DLG2: variants seen among roughly 807,000 people sequenced by gnomAD.
DLG2 encodes disks large homolog 2.
A neutral mutation model predicts 132.5 loss-of-function variants in DLG2; 45 were observed. The observed-to-expected ratio is 0.34, with a 90% CI of 0.27 to 0.44. DLG2 has a LOEUF of 0.44. Ranked by LOEUF, DLG2 falls within the 20% of genes least tolerant of loss-of-function variation. The pLI, the probability that DLG2 is intolerant of heterozygous loss-of-function variation, is 1.00. For missense variants in DLG2, 1,045 were observed against 1,196.9 expected (o/e 0.87, Z 1.87); for synonymous variants, 424 against 419.6 (o/e 1.01, Z -0.13).
At chr11:85,583,130 G>GTGTGTGTATATATATATA (rs1555190569) in intron 3 of DLG2, among the ~76,000 whole-genome samples, 3 of 13,598 alleles carry the variant, frequency 2.2e-4, no homozygotes, top group Non-Finnish European at 4.7e-4. Flanking sequence ...GTGTGTGTGT[G>GTGTGTGTATATATATATA]TATATATATA....
At chr11:84,862,594 G>T (rs1164439391) in intron 6 of DLG2, among the ~76,000 whole-genome samples, 1 of 151,978 alleles carries the variant, frequency 6.6e-6, no homozygotes, top group Non-Finnish European at 1.5e-5. Flanking sequence ...TGATAGACTG[G>T]ATAAAGAAAA....
At chr11:84,204,744 G>A (rs976820168) in intron 8 of DLG2, among the ~76,000 whole-genome samples, 1 of 152,038 alleles carries the variant, frequency 6.6e-6, no homozygotes, top group African/African-American at 2.4e-5. Flanking sequence ...TTGAGATAGA[G>A]TCTCATTCTG....
chr11:85,507,244 C>A (rs1004820988), intron 3 of DLG2, among the ~76,000 whole-genome samples: 1 of 152,134 alleles, frequency 6.6e-6, no homozygotes, highest in Non-Finnish European at 1.5e-5. Context: ...TGAATTTGAT[C>A]CTGTCATTAT....
chr11:84,799,072 C>G (rs535305304), intron 6 of DLG2, among the ~76,000 whole-genome samples: 1 of 152,338 alleles, frequency 6.6e-6, no homozygotes, highest in Admixed American at 6.5e-5. Flanking sequence ...CATCTGGTGT[C>G]TCACTAGGTC....
chr11:84,063,618 T>C (rs867979568), intron 10 of DLG2, among the ~76,000 whole-genome samples: 1 of 152,196 alleles, frequency 6.6e-6, no homozygotes, highest in Non-Finnish European at 1.5e-5. Context: ...ACTGGGTATA[T>C]ACCCAAAGGA....
chr11:84,476,025 G>T (rs1428469365), intron 7 of DLG2, among the ~76,000 whole-genome samples: 4 of 151,988 alleles, frequency 2.6e-5, no homozygotes, highest in Admixed American at 2.6e-4. Flanking sequence ...ATTACATGAG[G>T]TATATAATTC....
chr11:85,420,125 T>A (rs1454755290), intron 3 of DLG2, among the ~76,000 whole-genome samples: 1 of 152,208 alleles, frequency 6.6e-6, no homozygotes, highest in Non-Finnish European at 1.5e-5. Context: ...CATGTGCATG[T>A]CCTTTTTGTG....
chr11:85,066,143 A>G (rs1041724387), intron 6 of DLG2, among the ~76,000 whole-genome samples: 10 of 151,718 alleles, frequency 6.6e-5, no homozygotes, highest in Non-Finnish European at 1.5e-4. Flanking sequence ...CAGAAATAGA[A>G]AAGATTATCA....
intron 19 of DLG2, among the ~76,000 whole-genome samples, chr11:83,614,418 T>A (rs1420923146): frequency 6.6e-6 from 1 of 152,112 alleles, no homozygotes; most frequent in Non-Finnish European, 1.5e-5. Context: ...CGTGCTTTAA[T>A]AGAAAAAAAT....
intron 3 of DLG2, among the ~76,000 whole-genome samples, chr11:85,406,891 G>C (rs1333022041): frequency 6.6e-6 from 1 of 151,906 alleles, no homozygotes; most frequent in Non-Finnish European, 1.5e-5. Flanking sequence ...GAACATGGGA[G>C]ACAAGCCCAA....
intron 7 of DLG2, among the ~76,000 whole-genome samples, chr11:84,527,893 TTCTCTCTCTCTCTCTCTCTCTC>T (rs60170305): frequency 8.0e-6 from 1 of 125,594 alleles, no homozygotes; most frequent in Admixed American, 8.2e-5. Flanking sequence ...CTCCCTCCCT[TTCTCTCTCTCTCTCTCTCTCTC>T]TCTCTCTCTC....
intron 16 of DLG2, among the ~76,000 whole-genome samples, chr11:83,873,668 A>G (rs1392576938): frequency 1.3e-5 from 2 of 152,236 alleles, no homozygotes; most frequent in Non-Finnish European, 2.9e-5. Flanking sequence ...GGTGATTGGT[A>G]GATAAATAGA....
At chr11:84,726,575 C>G (rs914302147) in intron 6 of DLG2, among the ~76,000 whole-genome samples, 5 of 151,998 alleles carry the variant, frequency 3.3e-5, no homozygotes, top group African/African-American at 4.8e-5. Flanking sequence ...AGTAAACATG[C>G]GTGTGTATGT....
At chr11:84,307,267 C>T (rs922046093) in intron 7 of DLG2, among the ~76,000 whole-genome samples, 6 of 152,170 alleles carry the variant, frequency 3.9e-5, no homozygotes, top group Non-Finnish European at 8.8e-5. Context: ...AAATATCGCA[C>T]GTCGTCACTT....
At chr11:84,212,333 T>A (rs1178619580) in intron 8 of DLG2, among the ~76,000 whole-genome samples, 1 of 152,118 alleles carries the variant, frequency 6.6e-6, no homozygotes, top group African/African-American at 2.4e-5. Flanking sequence ...TGGATCCAGG[T>A]TCTGTGGGGC....
intron 4 of DLG2, among the ~76,000 whole-genome samples, chr11:85,251,897 TA>T (rs2076413241): frequency 6.6e-6 from 1 of 152,198 alleles, no homozygotes; most frequent in Non-Finnish European, 1.5e-5. Context: ...CTTTTTAACC[TA>T]ATTTTGTATT....
At chr11:84,277,602 G>A (rs569464325) in intron 7 of DLG2, among the ~76,000 whole-genome samples, 4 of 152,012 alleles carry the variant, frequency 2.6e-5, no homozygotes, top group African/African-American at 9.7e-5. Flanking sequence ...ATCACTACAC[G>A]CTTATATTTG....
At chr11:84,265,784 A>G (rs2097618699) in intron 7 of DLG2, among the ~76,000 whole-genome samples, 1 of 152,166 alleles carries the variant, frequency 6.6e-6, no homozygotes, top group Non-Finnish European at 1.5e-5. Flanking sequence ...CATGATGAAA[A>G]TGAGAATTCC....
intron 3 of DLG2, among the ~76,000 whole-genome samples, chr11:85,557,530 T>C (rs760542190): frequency 8.0e-5 from 12 of 150,908 alleles, no homozygotes; most frequent in African/African-American, 2.9e-4. Flanking sequence ...AATGCCAGAG[T>C]CATCACATTA....
Sources: allele counts gnomAD v4.1 joint callset (sites outside exome capture counted in the v4.1 genomes callset), GRCh38; gene constraint gnomAD v4.1.1; transcripts MANE v1.5; gene names NCBI Gene and HGNC (gene_info 2026-07-23, HGNC 2026-07-21).